Variants in IQSEC1 observed in about 807,000 individuals in gnomAD.
The protein encoded by IQSEC1 is IQ motif and Sec7 domain ArfGEF 1.
Under a neutral mutation model 91.0 loss-of-function variants are expected in IQSEC1, and 31 were observed. The observed-to-expected ratio is 0.34, with a 90% CI of 0.26 to 0.46. The LOEUF (loss-of-function observed/expected upper bound fraction) is 0.46, where lower values mean the gene tolerates loss of function less well. Ranked by LOEUF, IQSEC1 falls within the 20% of genes least tolerant of loss-of-function variation. The probability of loss-of-function intolerance (pLI) is 1.00; values close to 1 mark genes in which losing one functional copy is unlikely to be tolerated. For synonymous variants in IQSEC1, 699 were observed against 662.6 expected, an observed-to-expected ratio of 1.05 and a Z score of -0.84; for missense variants, 1,388 against 1,575.6, an observed-to-expected ratio of 0.88 and a Z score of 2.02.
At chr3:13,277,907 C>A (rs975385070) in intron 1 of IQSEC1, among the ~76,000 whole-genome samples, 29 of 152,124 alleles carry the variant, frequency 1.9e-4, no homozygotes, top group African/African-American at 6.5e-4. Flanking sequence ...TGCTTCCCGG[C>A]CACTTTGAAG....
chr3:12,928,754 G>A (rs140391752), intron 3 of IQSEC1, among the ~76,000 whole-genome samples: 37 of 152,274 alleles, frequency 2.4e-4, no homozygotes, highest in African/African-American at 8.9e-4. Flanking sequence ...GTGGGCCTTT[G>A]GTGTGGCCTT....
At chr3:13,001,982 C>T (rs532380424) in intron 1 of IQSEC1, among the ~76,000 whole-genome samples, 48 of 152,144 alleles carry the variant, frequency 3.2e-4, no homozygotes, top group African/African-American at 1.1e-3. Context: ...TCACTTGAAC[C>T]CGGAGGCAGG....
In IQSEC1 at chr3:12,936,256, C is replaced by T. The variant is rs746385357; in HGVS notation, c.760G>A (p.Ala254Thr). 1.2e-5 allele frequency: 20 copies of T among 1,613,322 alleles called. No individual in the cohort carries two copies. The highest frequency in any genetic ancestry group is 1.7e-5 in the Non-Finnish European group (20 of 1,180,000). ...GCCCGCGCCGCATCCAGGGCCGGTG[C>T]CTCCTCAGTGTGCAGGCTGCGGCAG... ...LNCRSLHTEEAPALDAARARD... is the reference protein window; with the variant it reads ...LNCRSLHTEETPALDAARARD... The change falls in exon 3 of 14, where the codon GCA (alanine) becomes ACA (threonine). Residue 254 changes from alanine (A) to threonine (T), a missense_variant. Ala to Thr is a moderately conservative substitution (Grantham distance 58, BLOSUM62 0). This residue lies in a region of IQSEC1 where 1,059 missense variants were observed against 1,317.8 expected (regional missense o/e 0.80). Transcript: ENST00000613206.
intron 2 of IQSEC1, among the ~76,000 whole-genome samples, chr3:13,099,577 G>A (rs1706023211): frequency 6.6e-6 from 1 of 152,110 alleles, no homozygotes; most frequent in Non-Finnish European, 1.5e-5. Context: ...GGAAACGCAA[G>A]CCAGAGTGTG....
intron 1 of IQSEC1, among the ~76,000 whole-genome samples, chr3:13,180,837 G>A (rs1336274733): frequency 3.3e-5 from 5 of 152,008 alleles, no homozygotes; most frequent in Non-Finnish European, 7.3e-5. Context: ...CCAGAAGGAA[G>A]AAACTCCGAA....
chr3:13,260,978 G>C (rs1308908109), intron 1 of IQSEC1, among the ~76,000 whole-genome samples: 1 of 152,238 alleles, frequency 6.6e-6, no homozygotes, highest in Non-Finnish European at 1.5e-5. Flanking sequence ...AGAGGTGTGG[G>C]GACTGGGGAT....
At chr3:12,972,205 G>A (rs1294149767) in intron 1 of IQSEC1, among the ~76,000 whole-genome samples, 2 of 151,792 alleles carry the variant, frequency 1.3e-5, no homozygotes, top group African/African-American at 2.4e-5. Flanking sequence ...CAGCTACTCA[G>A]GAGGCTGAGG....
intron 1 of IQSEC1, among the ~76,000 whole-genome samples, chr3:13,011,932 T>C (rs916051064): frequency 7.1e-6 from 1 of 141,440 alleles, no homozygotes; most frequent in African/African-American, 2.6e-5. Flanking sequence ...TCTCAAATTC[T>C]AAGTTCGTGG....
At chr3:13,062,471 G>A (rs1436955819) in intron 1 of IQSEC1, among the ~76,000 whole-genome samples, 3 of 152,168 alleles carry the variant, frequency 2.0e-5, no homozygotes, top group Non-Finnish European at 4.4e-5. Context: ...CAGCACATAA[G>A]GAGTTCCATC....
intron 1 of IQSEC1, among the ~76,000 whole-genome samples, chr3:13,069,155 A>C (rs1705332546): frequency 6.6e-6 from 1 of 152,282 alleles, no homozygotes; most frequent in African/African-American, 2.4e-5. Flanking sequence ...GGTCATTCAT[A>C]ATAACCATTT....
At chr3:12,981,614 T>C (rs1030940291) in intron 1 of IQSEC1, among the ~76,000 whole-genome samples, 2 of 152,238 alleles carry the variant, frequency 1.3e-5, no homozygotes, top group African/African-American at 2.4e-5. Context: ...GTTAGAAACA[T>C]AGACAAAGCT....
In IQSEC1 at chr3:13,259,920, G is replaced by T. The variant is rs1281694519; in HGVS notation, c.272+22791C>A. 6.6e-6 allele frequency among the ~76,000 whole-genome samples: 1 copy of T among 152,270 alleles called. No homozygotes were observed. Among genetic ancestry groups the T allele is most frequent in the African/African-American group, 2.4e-5 (1 of 41,478 alleles). Reference sequence around the variant, plus strand: ...TATATACCAATATTTAGTTCTGCTTGCAATTAAGCAGATCTGCTTTCAAAA... The same window carrying T: ...TATATACCAATATTTAGTTCTGCTTTCAATTAAGCAGATCTGCTTTCAAAA... On this transcript the variant is annotated intron_variant, in intron 1 of 15. Transcript: ENST00000648114. The surrounding 1 kb of genome is among the most constrained non-coding windows in gnomAD (Gnocchi z 4.6).
intron 1 of IQSEC1, among the ~76,000 whole-genome samples, chr3:13,191,477 A>ATTTTTTTTTTTTT (rs57912681): frequency 2.0e-4 from 18 of 92,100 alleles, no homozygotes; most frequent in Admixed American, 4.3e-4. Context: ...CACCCAGCTA[A>ATTTTTTTTTTTTT]TTTTTTTTTT....
chr3:13,118,157 C>T (rs1706366959), intron 2 of IQSEC1, among the ~76,000 whole-genome samples: 1 of 152,144 alleles, frequency 6.6e-6, no homozygotes. Context: ...CTGTGCTAAC[C>T]ACCCTGGTCT....
chr3:13,254,596 C>T (rs1400552176), intron 1 of IQSEC1, among the ~76,000 whole-genome samples: 2 of 152,258 alleles, frequency 1.3e-5, no homozygotes, highest in African/African-American at 4.8e-5. Flanking sequence ...AAGCCCCCTT[C>T]GGTGACAGGC....
At position 13,044,956 on chromosome 3, in the gene IQSEC1, A is replaced by G. The variant is rs187655897; in HGVS notation, c.23+28036T>C. Among the ~76,000 whole-genome samples the G allele has an allele frequency of 1.9e-3, 296 of 152,346 alleles. 1 individual carries two copies. The highest frequency in any genetic ancestry group is 6.4e-3 in the African/African-American group (266 of 41,574). On this transcript the variant is annotated intron_variant, in intron 1 of 13. Transcript: ENST00000613206. ...GGCCCTAGTCCTGGACCTGGCACCA[A>G]TGCTCTTCTGGTCTCAGGTACCCTC...
rs1559247898 is a variant in IQSEC1 at position 13,071,159 on chromosome 3, TTTTTTTTG to T, written c.23+1825_23+1832del. ...ACCCACACAGTTTTTTTTTGTTTTT[TTTTTTTTG>T]TTTGTTTCTTTAACTGCTCCTCAAG... is the stretch of plus-strand genomic sequence containing the variant. On this transcript the variant is annotated intron_variant, in intron 1 of 13. Coordinates refer to ENST00000613206, the MANE Select transcript of IQSEC1 (RefSeq NM_001134382.3). Among the ~76,000 whole-genome samples, 511 of 120,230 alleles carry T rather than the reference TTTTTTTTG, an allele frequency of 4.3e-3. 3 individuals are homozygous for T. Among genetic ancestry groups the T allele is most frequent in the African/African-American group, 0.015 (485 of 33,356 alleles). The allele number at this position is 120,230 out of a possible 152,430, so 78.9% of individuals were successfully genotyped here.
chr3:13,061,988 G>A (rs1265467405), intron 1 of IQSEC1, among the ~76,000 whole-genome samples: 1 of 152,190 alleles, frequency 6.6e-6, no homozygotes, highest in Non-Finnish European at 1.5e-5. Flanking sequence ...GGGGACTGAG[G>A]CTGCTGAGGG....
rs1693908322 is a variant in IQSEC1 at position 12,898,813 on chromosome 3, A to ACATGCAG, written c.*2163_*2169dup. On this transcript the variant is annotated 3_prime_UTR_variant, in exon 14 of 14. Coordinates refer to ENST00000613206, the MANE Select transcript of IQSEC1 (RefSeq NM_001134382.3). ...GCAGCCTCACAGCTGACGCCAGATGACATGCAGCAGTTTAACGCTTCCAGG... is the reference window on the plus strand; with the variant it reads ...GCAGCCTCACAGCTGACGCCAGATGACATGCAGCATGCAGCAGTTTAACGCTTCCAGG... 1 of 153,438 alleles carries ACATGCAG rather than the reference A, an allele frequency of 6.5e-6. No individual in the cohort carries two copies. Among genetic ancestry groups the ACATGCAG allele is most frequent in the South Asian group, 2.0e-4 (1 of 4,890 alleles). The allele number at this position is 153,438 out of a possible 1,614,324, so 9.5% of individuals were successfully genotyped here.
Sources: gnomAD v4.1 joint callset for allele counts (sites outside exome capture counted in the v4.1 genomes callset) on GRCh38, gnomAD v4.1.1 for gene constraint, gnomAD v4.1.1 regional missense constraint, Gnocchi (gnomAD v3.1) non-coding constraint, MANE v1.5 for transcripts, NCBI Gene and HGNC (gene_info 2026-07-23, HGNC 2026-07-21) for gene names.